Variants in KIRREL3 observed in about 807,000 individuals in gnomAD.
KIRREL3 encodes the protein kin of IRRE-like protein 3.
A neutral mutation model predicts 89.7 loss-of-function variants in KIRREL3; 36 were observed. That is an observed-to-expected ratio of 0.40 (90% CI 0.31 to 0.53). The LOEUF is 0.53. Among genes scored for constraint, KIRREL3 ranks in the 20% least tolerant of loss-of-function variants. The probability of loss-of-function intolerance (pLI) is 0.49; values close to 1 mark genes in which losing one functional copy is unlikely to be tolerated. For missense variants in KIRREL3, 864 were observed against 1,056.6 expected, an observed-to-expected ratio of 0.82 and a Z score of 2.53; for synonymous variants, 445 against 441.4, an observed-to-expected ratio of 1.01 and a Z score of -0.10.
intron 1 of KIRREL3, among the ~76,000 whole-genome samples, chr11:126,626,816 A>C (rs1273371797): frequency 6.6e-6 from 1 of 152,170 alleles, no homozygotes; most frequent in Admixed American, 6.5e-5. Flanking sequence ...CAACATGGCG[A>C]AACCCCATGT....
chr11:126,450,454 TGTGA>T (rs199928361), intron 7 of KIRREL3, among the ~76,000 whole-genome samples: 11,516 of 150,786 alleles, frequency 0.076, 1,498 homozygotes, highest in African/African-American at 0.27. Flanking sequence ...TGTGCGCATC[TGTGA>T]GTGTGTGAAT....
rs992698735 is a variant in KIRREL3, at chr11:126,995,258, C to T, written c.55+5197G>A. ...CGCTGGCCTCGAGGCAAGACAAGAG[C>T]TCCAATCACTCTGCTGCAAGCGCCA... is the stretch of plus-strand genomic sequence containing the variant. On this transcript the variant is annotated intron_variant, in intron 1 of 16. Coordinates refer to ENST00000525144, the MANE Select transcript of KIRREL3 (RefSeq NM_032531.4). The surrounding 1 kb of genome is among the most constrained non-coding windows in gnomAD (Gnocchi z 6.5). 2 of 456,228 alleles carry T rather than the reference C, an allele frequency of 4.4e-6. No homozygotes were observed. Among genetic ancestry groups the T allele is most frequent in the East Asian group, 7.0e-5 (1 of 14,376 alleles). 28.3% of individuals were successfully genotyped at this position (456,228 alleles called of 1,614,324 possible).
intron 1 of KIRREL3, among the ~76,000 whole-genome samples, chr11:126,693,834 C>T (rs1946979795): frequency 6.6e-6 from 1 of 152,216 alleles, no homozygotes; most frequent in South Asian, 2.1e-4. Flanking sequence ...TGGGCTGCAG[C>T]CCCACTCCGC....
At chr11:126,658,920 G>C (rs1452442688) in intron 1 of KIRREL3, among the ~76,000 whole-genome samples, 1 of 152,188 alleles carries the variant, frequency 6.6e-6, no homozygotes, top group Non-Finnish European at 1.5e-5. Flanking sequence ...ATGGGAAGTT[G>C]TCCAAAGTGA....
In KIRREL3 at chr11:126,719,133, A is replaced by G. The variant is rs1376256609; in HGVS notation, c.56-156221T>C. Among the ~76,000 whole-genome samples the G allele has an allele frequency of 6.6e-6, 1 of 152,134 alleles. No homozygotes were observed. On this transcript the variant is annotated intron_variant, in intron 1 of 16. Transcript: ENST00000525144. This position sits in a 1 kb window ranked among gnomAD's most constrained non-coding sequence, Gnocchi z 4.7. ...CTGTCTCTCACTGTCTCCTTCATCT[A>G]GACAAACGCATTTCCCTTCATTCCG...
intron 1 of KIRREL3, among the ~76,000 whole-genome samples, chr11:126,732,205 T>C (rs1366468206): frequency 2.0e-5 from 3 of 152,220 alleles, no homozygotes; most frequent in Non-Finnish European, 2.9e-5. Context: ...TTATAAGTAA[T>C]GGCTAGAGCG....
rs756771713 is a variant in KIRREL3 at position 126,440,522 on chromosome 11, G to T, written c.1280C>A (p.Thr427Asn). The part of the protein sequence containing the change: ...NGPPIISSTQ[T>N]QHALHGEKGQ... The stretch of plus-strand genomic sequence containing the variant: ...CTTCTCGCCGTGGAGGGCGTGCTGG[G>T]TCTGGGTGCTGGAGATGATGGGGGG... Residue 427 changes from threonine (T) to asparagine (N), a missense_variant, in exon 11 of 17, where the codon ACC (threonine) becomes AAC (asparagine). Transcript: ENST00000525144. 10 of 1,601,866 alleles carry T rather than the reference G, an allele frequency of 6.2e-6. No homozygotes were observed. The highest frequency in any genetic ancestry group is 8.5e-6 in the Non-Finnish European group (10 of 1,174,782).
chr11:126,871,264 C>G (rs998094441), intron 1 of KIRREL3, among the ~76,000 whole-genome samples: 4 of 152,120 alleles, frequency 2.6e-5, no homozygotes, highest in African/African-American at 9.7e-5. Context: ...TAAAGAACTT[C>G]TAAGTCTGAG....
chr11:126,673,676 G>A (rs971838684), intron 1 of KIRREL3, among the ~76,000 whole-genome samples: 2 of 152,232 alleles, frequency 1.3e-5, no homozygotes, highest in Non-Finnish European at 2.9e-5. Flanking sequence ...TCCATGGGAT[G>A]TCCTGGAGCA....
chr11:126,538,828 C>G (rs1327745960), intron 2 of KIRREL3, among the ~76,000 whole-genome samples: 28 of 152,214 alleles, frequency 1.8e-4, no homozygotes, highest in Admixed American at 1.8e-3. Context: ...TGAGTAGGCT[C>G]TGGAGCTGCG....
chr11:126,971,556 A>G (rs1949425269), intron 1 of KIRREL3, among the ~76,000 whole-genome samples: 1 of 152,160 alleles, frequency 6.6e-6, no homozygotes, highest in Non-Finnish European at 1.5e-5. Flanking sequence ...ACATTACATT[A>G]ACTCAGCAGT....
intron 1 of KIRREL3, among the ~76,000 whole-genome samples, chr11:126,634,790 G>A (rs1158030967): frequency 6.6e-6 from 1 of 152,112 alleles, no homozygotes; most frequent in Non-Finnish European, 1.5e-5. Context: ...TCAAATTCCT[G>A]CAAATATCCA....
intron 2 of KIRREL3, among the ~76,000 whole-genome samples, chr11:126,543,692 C>T (rs899096691): frequency 1.1e-4 from 16 of 152,146 alleles, no homozygotes; most frequent in Non-Finnish European, 2.2e-4. Flanking sequence ...CTGAAGACCA[C>T]GGAAACCTCT....
At chr11:126,827,303 G>A (rs557268208) in intron 1 of KIRREL3, among the ~76,000 whole-genome samples, 41 of 151,616 alleles carry the variant, frequency 2.7e-4, no homozygotes, top group Non-Finnish European at 4.1e-4. Context: ...TCAGCCTCCC[G>A]AGTAGCTGGG....
At chr11:126,980,867 C>T (rs1949703387) in intron 1 of KIRREL3, among the ~76,000 whole-genome samples, 5 of 152,164 alleles carry the variant, frequency 3.3e-5, no homozygotes, top group Admixed American at 2.6e-4. Context: ...CAACAACTCA[C>T]AAATATATTT....
chr11:126,450,961 G>C (rs893720476), intron 7 of KIRREL3, among the ~76,000 whole-genome samples: 1 of 151,118 alleles, frequency 6.6e-6, no homozygotes, highest in Admixed American at 6.6e-5. Context: ...ATGTGTGAGC[G>C]TGTGCATGCA....
intron 1 of KIRREL3, among the ~76,000 whole-genome samples, chr11:126,831,435 TTCTCTC>T (rs5795530): frequency 1.3e-5 from 2 of 149,914 alleles, no homozygotes; most frequent in Non-Finnish European, 3.0e-5. Context: ...CTCTCTCTCT[TTCTCTC>T]TCTCTCTCTC....
At position 126,623,592 on chromosome 11, in the gene KIRREL3, T is replaced by A. The variant is rs113990688; in HGVS notation, c.56-60680A>T. ...AGGTAAGAGTGAGCAAGCAGGATGGTAAAAGGGATAACAGCTGATGGGCCA... is the reference window on the plus strand; with the variant it reads ...AGGTAAGAGTGAGCAAGCAGGATGGAAAAAGGGATAACAGCTGATGGGCCA... On this transcript the variant is annotated intron_variant, in intron 1 of 16. Coordinates refer to ENST00000525144, the MANE Select transcript of KIRREL3 (RefSeq NM_032531.4). This position sits in a 1 kb window ranked among gnomAD's most constrained non-coding sequence, Gnocchi z 4.1. Among the ~76,000 whole-genome samples, 1 of 151,764 alleles carries A rather than the reference T, an allele frequency of 6.6e-6. No individual in the cohort carries two copies. The highest frequency in any genetic ancestry group is 1.5e-5 in the Non-Finnish European group (1 of 67,954).
Position 126,761,766 on chromosome 11 carries a change from T to C in KIRREL3, c.56-198854A>G, listed in dbSNP as rs888764616. The stretch of plus-strand genomic sequence containing the variant: ...GCTAGAGAAGAGTTATGAGCTGCAC[T>C]AGTTTGTCTTGGTTTTATCTTCATT... On this transcript the variant is annotated intron_variant, in intron 1 of 16. Coordinates refer to ENST00000525144, the MANE Select transcript of KIRREL3 (RefSeq NM_032531.4). This position sits in a 1 kb window ranked among gnomAD's most constrained non-coding sequence, Gnocchi z 4.4. Among the ~76,000 whole-genome samples the C allele has an allele frequency of 3.3e-5, 5 of 152,226 alleles. No individual in the cohort carries two copies. The highest frequency in any genetic ancestry group is 1.2e-4 in the African/African-American group (5 of 41,450).
Sources: gnomAD v4.1 joint callset for allele counts (sites outside exome capture counted in the v4.1 genomes callset) on GRCh38, gnomAD v4.1.1 for gene constraint, Gnocchi (gnomAD v3.1) non-coding constraint, MANE v1.5 for transcripts, NCBI Gene and HGNC (gene_info 2026-07-23, HGNC 2026-07-21) for gene names.